Variants in MLLT10 observed in about 807,000 individuals in gnomAD.
MLLT10 encodes the protein MLLT10 histone lysine methyltransferase DOT1L cofactor, also known as protein AF-10.
In MLLT10, 30 loss-of-function variants were observed where a neutral mutation model predicts 129.1. That is an observed-to-expected ratio of 0.23 (90% CI 0.17 to 0.32). MLLT10 has a LOEUF of 0.32. MLLT10 is among the 10% of genes least tolerant of loss of function. The pLI is 1.00. For synonymous variants in MLLT10, 490 were observed against 446.4 expected, an observed-to-expected ratio of 1.10 and a Z score of -1.23; for missense variants, 1,119 against 1,268.3, an observed-to-expected ratio of 0.88 and a Z score of 1.79.
intron 13 of MLLT10, among the ~76,000 whole-genome samples, chr10:21,705,768 C>T (rs1311285762): frequency 6.6e-6 from 1 of 152,186 alleles, no homozygotes; most frequent in Non-Finnish European, 1.5e-5. Flanking sequence ...GGGTACAAGA[C>T]TCTTAAGATG....
chr10:21,572,129 T>C (rs531811458), intron 3 of MLLT10: 3 of 152,358 alleles, frequency 2.0e-5, no homozygotes, highest in Admixed American at 6.5e-5. Flanking sequence ...ATTTTGCATA[T>C]GGCTATCCAG....
chr10:21,669,386 T>C (rs1238075607), intron 9 of MLLT10, among the ~76,000 whole-genome samples: 1 of 152,180 alleles, frequency 6.6e-6, no homozygotes, highest in African/African-American at 2.4e-5. Flanking sequence ...TATTGTCATG[T>C]TCTCGTTTTT....
At chr10:21,689,626 C>T (rs1277698441) in intron 13 of MLLT10, among the ~76,000 whole-genome samples, 1 of 141,440 alleles carries the variant, frequency 7.1e-6, no homozygotes, top group Admixed American at 7.1e-5. Flanking sequence ...TATACACACA[C>T]ACACACACAC....
At chr10:21,701,287 T>A (rs2054883967) in intron 13 of MLLT10, among the ~76,000 whole-genome samples, 1 of 150,278 alleles carries the variant, frequency 6.7e-6, no homozygotes, top group Non-Finnish European at 1.5e-5. Context: ...TTCATTGATT[T>A]TTTTTTTTTT....
At chr10:21,657,432 G>A (rs1220628303) in intron 9 of MLLT10, among the ~76,000 whole-genome samples, 2 of 148,210 alleles carry the variant, frequency 1.3e-5, no homozygotes, top group African/African-American at 2.5e-5. Context: ...GAAAGTCTTC[G>A]TTTTGACCTG....
In MLLT10 at chr10:21,716,730, C is replaced by T. The variant is rs116525843; in HGVS notation, c.1878+2780C>T. Among the ~76,000 whole-genome samples the T allele has an allele frequency of 4.8e-3, 731 of 151,610 alleles. 9 individuals are homozygous for T. Among genetic ancestry groups the T allele is most frequent in the African/African-American group, 0.017 (703 of 41,376 alleles). On this transcript the variant is annotated intron_variant, in intron 14 of 22. Transcript: ENST00000307729. ...AAAAAAAGTAATTCTAGAAGTCTTA[C>T]CACAACTGTTAAGAAAACCATCATA... is the stretch of plus-strand genomic sequence containing the variant.
intron 13 of MLLT10, among the ~76,000 whole-genome samples, chr10:21,700,647 T>G (rs186472688): frequency 4.6e-5 from 7 of 152,204 alleles, no homozygotes; most frequent in African/African-American, 1.4e-4. Context: ...TCTATTGATG[T>G]GATACCTATT....
intron 5 of MLLT10, among the ~76,000 whole-genome samples, chr10:21,612,024 G>T (rs1355480833): frequency 3.3e-5 from 5 of 152,202 alleles, no homozygotes; most frequent in Non-Finnish European, 7.3e-5. Flanking sequence ...ATGACAAGGT[G>T]TTGGGAAGAA....
intron 8 of MLLT10, chr10:21,624,847 C>A: frequency 9.1e-7 from 1 of 1,098,486 alleles, no homozygotes; most frequent in Non-Finnish European, 1.4e-6. Flanking sequence ...TGCTGTTGTG[C>A]AGGACCCCCT....
chr10:21,635,772 T>G (rs2047396415), intron 8 of MLLT10, among the ~76,000 whole-genome samples: 1 of 151,090 alleles, frequency 6.6e-6, no homozygotes, highest in Non-Finnish European at 1.5e-5. Context: ...TGTCTCCCAG[T>G]CTAGAGTGCA....
intron 4 of MLLT10, 116 bp from the exon 5 acceptor site, chr10:21,595,215 A>T: frequency 1.5e-6 from 1 of 649,916 alleles, no homozygotes; most frequent in Non-Finnish European, 2.5e-6. Context: ...GAATTTGTTA[A>T]TGTCCTTGTT....
intron 5 of MLLT10, among the ~76,000 whole-genome samples, chr10:21,607,836 G>A (rs775482243): frequency 1.3e-5 from 2 of 152,014 alleles, no homozygotes; most frequent in Non-Finnish European, 2.9e-5. Context: ...CATGTAGATT[G>A]CAATTGCTGT....
intron 8 of MLLT10, among the ~76,000 whole-genome samples, chr10:21,649,597 G>C (rs1256586982): frequency 6.6e-6 from 1 of 152,182 alleles, no homozygotes; most frequent in African/African-American, 2.4e-5. Context: ...TTCAGTGTTG[G>C]TCTTATTCAC....
At chr10:21,628,431 CTTTTTTTTTT>C (rs774410121) in intron 8 of MLLT10, among the ~76,000 whole-genome samples, 2 of 116,000 alleles carry the variant, frequency 1.7e-5, no homozygotes, top group African/African-American at 3.5e-5. Context: ...GATGCTCTCT[CTTTTTTTTTT>C]TTTTTTTTTT....
intron 3 of MLLT10, among the ~76,000 whole-genome samples, chr10:21,544,038 C>T (rs1176863689): frequency 1.3e-5 from 2 of 152,224 alleles, no homozygotes; most frequent in South Asian, 2.1e-4. Flanking sequence ...TATGTGCCCA[C>T]ATACTGTGCT....
At chr10:21,658,393 C>T (rs2049823708) in intron 9 of MLLT10, among the ~76,000 whole-genome samples, 1 of 152,096 alleles carries the variant, frequency 6.6e-6, no homozygotes, top group Non-Finnish European at 1.5e-5. Flanking sequence ...TGGCATCTTT[C>T]AGCATAATTA....
chr10:21,594,367 T>C (rs2042811235), intron 4 of MLLT10, among the ~76,000 whole-genome samples: 2 of 151,900 alleles, frequency 1.3e-5, no homozygotes, highest in African/African-American at 4.8e-5. Flanking sequence ...CTGACCTACA[T>C]GGAGAAGCCC....
chr10:21,612,089 TC>T (rs1178168621), intron 5 of MLLT10, among the ~76,000 whole-genome samples: 1 of 152,192 alleles, frequency 6.6e-6, no homozygotes, highest in African/African-American at 2.4e-5. Context: ...GGAAGAGTCT[TC>T]CTGTCTTGCA....
intron 9 of MLLT10, among the ~76,000 whole-genome samples, chr10:21,664,273 A>G (rs1227248173): frequency 6.6e-6 from 1 of 151,396 alleles, no homozygotes; most frequent in African/African-American, 2.4e-5. Context: ...TTATCTTGTT[A>G]AACATTCTAT....
Sources: allele counts gnomAD v4.1 joint callset (sites outside exome capture counted in the v4.1 genomes callset), GRCh38; gene constraint gnomAD v4.1.1; transcripts MANE v1.5; gene names NCBI Gene and HGNC (gene_info 2026-07-23, HGNC 2026-07-21).